Variants in TRAPPC11 observed in about 807,000 individuals in gnomAD.
The protein encoded by TRAPPC11 is trafficking protein particle complex subunit 11, also known as foie gras homolog.
A neutral mutation model predicts 151.2 loss-of-function variants in TRAPPC11; 104 were observed. The ratio of observed to expected loss-of-function variants is 0.69; its 90% confidence interval spans 0.59 to 0.81. TRAPPC11 has a LOEUF of 0.81. Among genes scored for constraint, TRAPPC11 ranks in the 30% least tolerant of loss-of-function variants. TRAPPC11 has a pLI of 0.00. For missense variants in TRAPPC11, 1,230 were observed against 1,349.6 expected (o/e 0.91, Z 1.39); for synonymous variants, 456 against 472.3 (o/e 0.97, Z 0.45).
chr4:183,671,727 A>G (rs936728169), intron 5 of TRAPPC11, among the ~76,000 whole-genome samples: 4 of 152,246 alleles, frequency 2.6e-5, no homozygotes, highest in African/African-American at 9.6e-5. Context: ...CTCGTTTTTC[A>G]AAGTTCAGTT....
chr4:183,660,562 A>T (rs534195957), intron 1 of TRAPPC11, among the ~76,000 whole-genome samples: 44 of 152,230 alleles, frequency 2.9e-4, no homozygotes, highest in Non-Finnish European at 3.5e-4. Context: ...TTTCTATTGG[A>T]TGACAGTCAT....
intron 29 of TRAPPC11, 47 bp downstream of exon 29, chr4:183,708,621 C>A (rs1198357420): frequency 1.3e-6 from 2 of 1,547,476 alleles, no homozygotes; most frequent in South Asian, 2.3e-5. Context: ...GTCTTAAAAA[C>A]AAACAGACTT....
chr4:183,685,191 T>C, intron 16 of TRAPPC11, 46 bp downstream of exon 16: 1 of 1,609,814 alleles, frequency 6.2e-7, no homozygotes, highest in South Asian at 1.1e-5. Context: ...GGAATATGTG[T>C]ACTTATATCT....
chr4:183,667,997 C>T lies in TRAPPC11; in HGVS notation c.446-6C>T, dbSNP rs201044687. 1.1e-4 allele frequency: 175 copies of T among 1,531,212 alleles called. No individual in the cohort carries two copies. Among genetic ancestry groups the T allele is most frequent in the Non-Finnish European group, 1.4e-4 (152 of 1,105,698 alleles). 94.9% of individuals were successfully genotyped at this position (1,531,212 alleles called of 1,614,324 possible). ...TCTCATTCATCTTGATGGGGATTAT[C>T]AACAGGAGAAGATGTCATTGCTTCA... On this transcript the variant is annotated splice_region_variant and splice_polypyrimidine_tract_variant and intron_variant, in intron 4 of 29. Coordinates refer to ENST00000334690, the MANE Select transcript of TRAPPC11 (RefSeq NM_021942.6).
chr4:183,663,732 AGTT>A (rs1561023826), intron 1 of TRAPPC11, 112 bp from the exon 2 acceptor site: 53 of 585,060 alleles, frequency 9.1e-5, no homozygotes, highest in East Asian at 2.3e-4. Context: ...AATGAATATG[AGTT>A]GTTTTTTTTT....
intron 4 of TRAPPC11, among the ~76,000 whole-genome samples, chr4:183,667,542 C>T (rs1734947401): frequency 6.6e-6 from 1 of 152,054 alleles, no homozygotes; most frequent in Non-Finnish European, 1.5e-5. Flanking sequence ...TTCTGTAGGG[C>T]AAAGAAAAAG....
At chr4:183,660,285 C>T (rs1734406665) in intron 1 of TRAPPC11, among the ~76,000 whole-genome samples, 1 of 152,174 alleles carries the variant, frequency 6.6e-6, no homozygotes, top group South Asian at 2.1e-4. Context: ...CTCTGCTGTC[C>T]AGTTCTGTAG....
chr4:183,663,844 C>T lies in TRAPPC11; in HGVS notation c.-21-3C>T. On this transcript the variant is annotated splice_region_variant and splice_polypyrimidine_tract_variant and intron_variant, in intron 1 of 29. Coordinates refer to ENST00000334690, the MANE Select transcript of TRAPPC11 (RefSeq NM_021942.6). The stretch of plus-strand genomic sequence containing the variant: ...TATGAATGTATTAACATTTGTATTT[C>T]AGGTTTTTTGTGACATCGTAAACAT... The T allele has an allele frequency of 7.1e-7, 1 of 1,405,572 alleles. No individual in the cohort carries two copies. The highest frequency in any genetic ancestry group is 9.5e-7 in the Non-Finnish European group (1 of 1,047,130). 87.1% of individuals were successfully genotyped at this position (1,405,572 alleles called of 1,614,324 possible). A position where few individuals can be genotyped will look rare whatever the true frequency, so the allele number is the denominator to read the frequency against.
intron 1 of TRAPPC11, among the ~76,000 whole-genome samples, chr4:183,663,171 A>T (rs1734646752): frequency 6.6e-6 from 1 of 151,916 alleles, no homozygotes. Context: ...GGTTCAAGTG[A>T]TTCTCCTGCC....
At chr4:183,701,432 A>T in intron 25 of TRAPPC11, 2 of 322,254 alleles carry the variant, frequency 6.2e-6, no homozygotes, top group African/African-American at 2.1e-5. Context: ...AGCTTTTTGC[A>T]TTCATTAGTT....
chr4:183,673,936 A>G (rs564445021), intron 5 of TRAPPC11, among the ~76,000 whole-genome samples: 2 of 152,254 alleles, frequency 1.3e-5, no homozygotes, highest in South Asian at 4.1e-4. Flanking sequence ...AATCACACAA[A>G]TGTTTTCACC....
intron 24 of TRAPPC11, 42 bp from the exon 25 acceptor site, chr4:183,697,637 T>A: frequency 6.2e-7 from 1 of 1,610,558 alleles, no homozygotes; most frequent in Non-Finnish European, 8.5e-7. Context: ...TAAAATGGAT[T>A]AAGGTAATTC....
intron 17 of TRAPPC11, among the ~76,000 whole-genome samples, chr4:183,686,343 G>A (rs1270089036): frequency 1.3e-5 from 2 of 152,170 alleles, no homozygotes; most frequent in East Asian, 1.9e-4. Flanking sequence ...CACCGTGTTG[G>A]CCAGGCTGGT....
intron 1 of TRAPPC11, among the ~76,000 whole-genome samples, chr4:183,661,400 CTCG>C (rs1377414214): frequency 1.7e-5 from 2 of 119,014 alleles, no homozygotes; most frequent in East Asian, 2.4e-4. Context: ...ACGGAGTCTC[CTCG>C]CTCTGTCGCC....
At chr4:183,709,199 C>G (rs1024814440) in intron 29 of TRAPPC11, among the ~76,000 whole-genome samples, 2 of 152,172 alleles carry the variant, frequency 1.3e-5, no homozygotes, top group African/African-American at 4.8e-5. Flanking sequence ...ACATAACATA[C>G]ATACACATTA....
chr4:183,679,986 A>G (rs1735594395), intron 9 of TRAPPC11, 134 bp from the exon 10 acceptor site: 6 of 690,040 alleles, frequency 8.7e-6, no homozygotes, highest in South Asian at 6.2e-5. Flanking sequence ...AGAAATTAGA[A>G]CAAATATTAA....
In TRAPPC11 at chr4:183,713,012, C is replaced by T. The variant is rs968470733; in HGVS notation, c.*368C>T. 4.7e-6 allele frequency: 1 copy of T among 211,708 alleles called. No individual in the cohort carries two copies. The highest frequency in any genetic ancestry group is 9.4e-6 in the Non-Finnish European group (1 of 106,276). 13.1% of individuals were successfully genotyped at this position (211,708 alleles called of 1,614,324 possible). A position where few individuals can be genotyped will look rare whatever the true frequency, so the allele number is the denominator to read the frequency against. On this transcript the variant is annotated 3_prime_UTR_variant, in exon 30 of 30. Transcript: ENST00000334690. ...AGAGCAGATGCACCAGTGCCTGTGC[C>T]ATAAAGTTCCGAATCCCCCATGTGT...
chr4:183,660,955 G>A (rs1175190320), intron 1 of TRAPPC11, among the ~76,000 whole-genome samples: 2 of 151,916 alleles, frequency 1.3e-5, no homozygotes, highest in East Asian at 1.9e-4. Context: ...CTCGTGAATC[G>A]CCCGCCTTGG....
intron 11 of TRAPPC11, among the ~76,000 whole-genome samples, 177 bp downstream of exon 11, chr4:183,683,002 CTTATAA>C (rs1447967828): frequency 5.3e-5 from 8 of 152,066 alleles, no homozygotes; most frequent in African/African-American, 1.9e-4. Context: ...CTTAGAGTGA[CTTATAA>C]TTAAAGTTGC....
Sources: allele counts gnomAD v4.1 joint callset (sites outside exome capture counted in the v4.1 genomes callset), GRCh38; gene constraint gnomAD v4.1.1; transcripts MANE v1.5; gene names NCBI Gene and HGNC (gene_info 2026-07-23, HGNC 2026-07-21).